The following PLXDC1 variants were observed in gnomAD, a reference collection of about 807,000 sequenced individuals.
PLXDC1 encodes plexin domain-containing protein 1.
In PLXDC1, 39 loss-of-function variants were observed where a neutral mutation model predicts 61.3. That is an observed-to-expected ratio of 0.64 (90% CI 0.49 to 0.83). PLXDC1 has a LOEUF of 0.83. PLXDC1 is among the 40% of genes least tolerant of loss of function. The probability of loss-of-function intolerance (pLI) is 0.00; values close to 1 mark genes in which losing one functional copy is unlikely to be tolerated. For synonymous variants in PLXDC1, 212 were observed against 254.5 expected (o/e 0.83, Z 1.59); for missense variants, 596 against 666.5 (o/e 0.89, Z 1.17).
chr17:39,111,720 A>G (rs2143707036), intron 2 of PLXDC1: 1 of 152,374 alleles, frequency 6.6e-6, no homozygotes, highest in East Asian at 1.9e-4. Context: ...CAAGAGTTAC[A>G]TGGGGCCACT....
chr17:39,109,300 C>T lies in PLXDC1; in HGVS notation c.347G>A (p.Arg116Gln), dbSNP rs201093957. 136 of 1,612,322 alleles carry T rather than the reference C, an allele frequency of 8.4e-5. 1 individual carries two copies. Among genetic ancestry groups the T allele is most frequent in the South Asian group, 6.5e-4 (59 of 90,478 alleles). The change falls in exon 3 of 14, where the codon CGG becomes CAG. Residue 116 changes from arginine (R) to glutamine (Q), a missense_variant. Transcript: ENST00000315392. ...TATTGTGTGGATCTTCACTTGGCTC[C>T]GGTTGGCCTCGGCCACATCTACCCA... is the stretch of plus-strand genomic sequence containing the variant. The part of the protein sequence containing the change: ...ELWVDVAEAN[R>Q]SQVKIHTILS...
At chr17:39,095,389 A>ACCCC (rs1567759313) in intron 7 of PLXDC1, among the ~76,000 whole-genome samples, 1 of 5,614 alleles carries the variant, frequency 1.8e-4, no homozygotes, top group African/African-American at 6.6e-4. Flanking sequence ...CAACCCCCCA[A>ACCCC]GCCTGGGTTA....
Position 39,139,601 on chromosome 17 carries a change from G to A in PLXDC1, c.255+53C>T, listed in dbSNP as rs896454044. On this transcript the variant is annotated intron_variant, in intron 2 of 13. Coordinates refer to ENST00000315392, the MANE Select transcript of PLXDC1 (RefSeq NM_020405.5). ...GACAAGCACACCTGGGGCAGCTGGTGAGACCTCCCCCACCCCCACTTCGCT... is the reference window on the plus strand; with the variant it reads ...GACAAGCACACCTGGGGCAGCTGGTAAGACCTCCCCCACCCCCACTTCGCT... 5 of 1,490,380 alleles carry A rather than the reference G, an allele frequency of 3.4e-6. No homozygotes were observed. The African/African-American group carries it at 5.5e-5, about 16-fold the overall frequency. The allele number at this position is 1,490,380 out of a possible 1,614,324, so 92.3% of individuals were successfully genotyped here. A position where few individuals can be genotyped will look rare whatever the true frequency, so the allele number is the denominator to read the frequency against.
chr17:39,151,120 A>G lies in PLXDC1; in HGVS notation c.76+242T>C, dbSNP rs911190760. On this transcript the variant is annotated intron_variant, in intron 1 of 13. Coordinates refer to ENST00000315392, the MANE Select transcript of PLXDC1 (RefSeq NM_020405.5). The surrounding 1 kb of genome is among the most constrained non-coding windows in gnomAD (Gnocchi z 5.2). ...CCCCCTCTCCTAAGGTCCCTCCAGT[A>G]TCCTTCCAGGAGAGAAGGAGAGGTC... is the stretch of plus-strand genomic sequence containing the variant. 6.6e-6 allele frequency among the ~76,000 whole-genome samples: 1 copy of G among 152,156 alleles called. No homozygotes were observed. Among genetic ancestry groups the G allele is most frequent in the African/African-American group, 2.4e-5 (1 of 41,442 alleles).
At chr17:39,112,455 TTC>T (rs1910840333) in intron 2 of PLXDC1, among the ~76,000 whole-genome samples, 1 of 108,064 alleles carries the variant, frequency 9.3e-6, no homozygotes, top group Non-Finnish European at 1.9e-5. Context: ...TTTTTTTTCT[TTC>T]TTTTTTTTTT....
At chr17:39,094,246 C>G (rs1910060379) in intron 7 of PLXDC1, among the ~76,000 whole-genome samples, 1 of 152,110 alleles carries the variant, frequency 6.6e-6, no homozygotes, top group African/African-American at 2.4e-5. Flanking sequence ...CAGACTTTCA[C>G]ACACCATCCC....
intron 7 of PLXDC1, among the ~76,000 whole-genome samples, chr17:39,104,167 T>C (rs1400812703): frequency 6.6e-6 from 1 of 152,202 alleles, no homozygotes; most frequent in African/African-American, 2.4e-5. Flanking sequence ...TGCCAGACAT[T>C]AGGCCCAACA....
At position 39,072,491 on chromosome 17, in the gene PLXDC1, AAG is replaced by A; in HGVS notation, c.1187-8_1187-7del. The A allele has an allele frequency of 6.6e-7, 1 of 1,522,828 alleles. No individual in the cohort carries two copies. Among genetic ancestry groups the A allele is most frequent in the Non-Finnish European group, 9.0e-7 (1 of 1,117,194 alleles). The allele number at this position is 1,522,828 out of a possible 1,614,324, so 94.3% of individuals were successfully genotyped here. On this transcript the variant is annotated splice_region_variant and splice_polypyrimidine_tract_variant and intron_variant, in intron 11 of 13. Coordinates refer to ENST00000315392, the MANE Select transcript of PLXDC1 (RefSeq NM_020405.5). ...GGGATTCAACTTGGTGTCATCTTCA[AAG>A]AGAGAAGACAGAAGGAGCAAGATTA...
At chr17:39,152,349 A>G (rs191312213), upstream of PLXDC1, 2 of 450,758 alleles carry the variant, frequency 4.4e-6, no homozygotes, top group Admixed American at 4.5e-5. Flanking sequence ...GCCAGACCCA[A>G]TCAATCTTCA....
rs185485455 is a variant in PLXDC1, at chr17:39,117,553, A to G, written c.256-8162T>C. 1.2e-3 allele frequency among the ~76,000 whole-genome samples: 177 copies of G among 148,668 alleles called. 1 individual carries two copies. Among genetic ancestry groups the G allele is most frequent in the African/African-American group, 4.2e-3 (165 of 39,614 alleles). On this transcript the variant is annotated intron_variant, in intron 2 of 13. Transcript: ENST00000315392. ...CAAGACCAGCTTGGGCAACATAGTG[A>G]GACCCTCCCCCCAAGTCTACAAAAA...
chr17:39,131,054 A>G (rs976291706), intron 2 of PLXDC1, among the ~76,000 whole-genome samples: 1 of 152,184 alleles, frequency 6.6e-6, no homozygotes, highest in African/African-American at 2.4e-5. Context: ...AGGGGAGACC[A>G]CCAGGACCAA....
At chr17:39,135,153 G>T (rs1788214756) in intron 2 of PLXDC1, among the ~76,000 whole-genome samples, 1 of 152,216 alleles carries the variant, frequency 6.6e-6, no homozygotes, top group Admixed American at 6.5e-5. Context: ...CCTGACATCT[G>T]CACTCTCCAG....
At chr17:39,099,505 A>T (rs890908438) in intron 7 of PLXDC1, among the ~76,000 whole-genome samples, 3 of 152,110 alleles carry the variant, frequency 2.0e-5, no homozygotes, top group Admixed American at 6.5e-5. Flanking sequence ...GACACCAAGA[A>T]CAGTCCCAAG....
chr17:39,085,226 C>G (rs752846716), intron 8 of PLXDC1, among the ~76,000 whole-genome samples: 7 of 152,218 alleles, frequency 4.6e-5, no homozygotes, highest in Non-Finnish European at 7.3e-5. Flanking sequence ...CACAGTGTGG[C>G]CACCTTCAGT....
intron 7 of PLXDC1, among the ~76,000 whole-genome samples, chr17:39,094,866 A>T (rs2143555636): frequency 6.6e-6 from 1 of 152,326 alleles, no homozygotes; most frequent in Non-Finnish European, 1.5e-5. Flanking sequence ...CCGCCTCCTA[A>T]GCTAGATCTC....
chr17:39,086,793 T>G (rs1336226574), intron 8 of PLXDC1, among the ~76,000 whole-genome samples: 1 of 126,240 alleles, frequency 7.9e-6, no homozygotes, highest in Admixed American at 1.0e-4. Flanking sequence ...ACCTGGGAGA[T>G]AGAGATTGCA....
intron 7 of PLXDC1, among the ~76,000 whole-genome samples, chr17:39,097,901 A>AT (rs1910272362): frequency 2.6e-5 from 2 of 77,626 alleles, no homozygotes; most frequent in African/African-American, 8.9e-5. Flanking sequence ...GACCCTGTCT[A>AT]TAAAAAAAAA....
intron 2 of PLXDC1, among the ~76,000 whole-genome samples, chr17:39,129,741 G>GAAAGAAAGAAAGAAA (rs1168985590): frequency 9.4e-4 from 37 of 39,546 alleles, no homozygotes; most frequent in African/African-American, 4.3e-3. Flanking sequence ...AAGAAAGAAA[G>GAAAGAAAGAAAGAAA]GAAAGAAAAG....
intron 2 of PLXDC1, among the ~76,000 whole-genome samples, chr17:39,129,599 A>G (rs1468613497): frequency 6.6e-6 from 1 of 151,452 alleles, no homozygotes; most frequent in Non-Finnish European, 1.5e-5. Flanking sequence ...CCTGGGCGAC[A>G]GAGCAAGACT....
Sources: allele counts gnomAD v4.1 joint callset (sites outside exome capture counted in the v4.1 genomes callset), GRCh38; gene constraint gnomAD v4.1.1; non-coding constraint Gnocchi (gnomAD v3.1); transcripts MANE v1.5; gene names NCBI Gene and HGNC (gene_info 2026-07-23, HGNC 2026-07-21).